Variants in CNTN5 observed in about 807,000 individuals in gnomAD.
CNTN5 encodes contactin 5, also known as contactin-5.
In CNTN5, 77 loss-of-function variants were observed where a neutral mutation model predicts 129.1. The observed-to-expected ratio is 0.60, with a 90% CI of 0.50 to 0.72. The LOEUF is 0.72. CNTN5 is among the 30% of genes least tolerant of loss of function. The pLI is 0.00. For synonymous variants in CNTN5, 509 were observed against 465.6 expected (o/e 1.09, Z -1.20); for missense variants, 1,478 against 1,328.8 (o/e 1.11, Z -1.75).
chr11:99,980,671 T>G (rs1938275748), intron 8 of CNTN5, among the ~76,000 whole-genome samples: 1 of 152,162 alleles, frequency 6.6e-6, no homozygotes, highest in South Asian at 2.1e-4. Context: ...AATATGAATA[T>G]AGTCAATAAT....
At chr11:99,573,637 T>A (rs937661517) in intron 3 of CNTN5, among the ~76,000 whole-genome samples, 1 of 151,890 alleles carries the variant, frequency 6.6e-6, no homozygotes, top group Non-Finnish European at 1.5e-5. Flanking sequence ...CAGGAATGAA[T>A]TTTTTTCTAT....
At chr11:99,883,295 G>C (rs778066264) in intron 6 of CNTN5, among the ~76,000 whole-genome samples, 2 of 152,134 alleles carry the variant, frequency 1.3e-5, no homozygotes, top group African/African-American at 4.8e-5. Flanking sequence ...CCTCCAAACT[G>C]TTCTCCGTAG....
At chr11:99,912,573 A>T (rs1949689300) in intron 6 of CNTN5, among the ~76,000 whole-genome samples, 1 of 151,876 alleles carries the variant, frequency 6.6e-6, no homozygotes, top group Non-Finnish European at 1.5e-5. Flanking sequence ...ATATGGCTCA[A>T]ATCTCATATC....
chr11:100,033,877 C>T (rs72996829), intron 9 of CNTN5, among the ~76,000 whole-genome samples: 6 of 152,278 alleles, frequency 3.9e-5, no homozygotes, highest in African/African-American at 9.6e-5. Flanking sequence ...TTGAAAGTCT[C>T]GGACAAAAGA....
chr11:100,294,591 C>T (rs889543771), intron 18 of CNTN5, among the ~76,000 whole-genome samples: 4 of 151,610 alleles, frequency 2.6e-5, no homozygotes, highest in South Asian at 2.1e-4. Flanking sequence ...CAGTAGTTGA[C>T]TGAGGAAGAA....
intron 2 of CNTN5, among the ~76,000 whole-genome samples, chr11:99,400,582 G>C (rs561636290): frequency 2.6e-4 from 39 of 152,036 alleles, no homozygotes; most frequent in Admixed American, 3.9e-4. Context: ...TTCTGTTATG[G>C]GGGATATAGT....
chr11:99,532,162 A>G (rs905089340), intron 2 of CNTN5, among the ~76,000 whole-genome samples: 6 of 152,116 alleles, frequency 3.9e-5, no homozygotes, highest in Admixed American at 2.6e-4. Flanking sequence ...CCATGGCAAT[A>G]CACCTCTTGC....
chr11:100,183,298 A>T (rs753581003), intron 13 of CNTN5, among the ~76,000 whole-genome samples: 4 of 152,154 alleles, frequency 2.6e-5, no homozygotes, highest in African/African-American at 4.8e-5. Flanking sequence ...TTGTGCACAA[A>T]TGTTCATGGT....
chr11:99,436,665 C>A (rs1175085528), intron 2 of CNTN5, among the ~76,000 whole-genome samples: 3 of 152,078 alleles, frequency 2.0e-5, no homozygotes, highest in Non-Finnish European at 4.4e-5. Context: ...TGACAATATG[C>A]CCCTTTCATA....
intron 1 of CNTN5, among the ~76,000 whole-genome samples, chr11:99,218,857 G>C (rs1267729190): frequency 1.3e-5 from 2 of 152,074 alleles, no homozygotes; most frequent in Non-Finnish European, 2.9e-5. Context: ...AAATGTAGGA[G>C]ATGTGCATTT....
At chr11:99,758,634 G>T (rs770180045) in intron 3 of CNTN5, among the ~76,000 whole-genome samples, 128 of 152,072 alleles carry the variant, frequency 8.4e-4, no homozygotes, top group Non-Finnish European at 1.7e-3. Context: ...ACACAGAAAA[G>T]AATACTTAGA....
intron 1 of CNTN5, among the ~76,000 whole-genome samples, chr11:99,259,527 A>T (rs189115342): frequency 1.1e-4 from 17 of 152,010 alleles, no homozygotes; most frequent in Admixed American, 7.9e-4. Flanking sequence ...TATATGGCAA[A>T]GAAAACTCAC....
chr11:99,504,316 G>A (rs930221798), intron 2 of CNTN5, among the ~76,000 whole-genome samples: 2 of 152,098 alleles, frequency 1.3e-5, no homozygotes, highest in Non-Finnish European at 2.9e-5. Flanking sequence ...GCTGAGGTGG[G>A]CACATCATGA....
At chr11:99,606,898 T>G (rs1421882752) in intron 3 of CNTN5, among the ~76,000 whole-genome samples, 3 of 131,814 alleles carry the variant, frequency 2.3e-5, no homozygotes, top group Non-Finnish European at 3.4e-5. Context: ...TAGCCATATG[T>G]AGAAAGCTGA....
intron 13 of CNTN5, among the ~76,000 whole-genome samples, chr11:100,186,716 C>A (rs73000825): frequency 0.052 from 7,959 of 152,212 alleles, 286 homozygotes; most frequent in Middle Eastern, 0.092. Flanking sequence ...CCCTTCACTC[C>A]CTTTCTTCAA....
At chr11:99,352,849 T>G (rs1938391318) in intron 2 of CNTN5, among the ~76,000 whole-genome samples, 2 of 152,184 alleles carry the variant, frequency 1.3e-5, no homozygotes, top group African/African-American at 4.8e-5. Context: ...TCAACATCAC[T>G]TCTAGTCTTA....
intron 6 of CNTN5, among the ~76,000 whole-genome samples, chr11:99,887,701 G>A (rs1242294686): frequency 6.6e-6 from 1 of 152,248 alleles, no homozygotes; most frequent in Non-Finnish European, 1.5e-5. Flanking sequence ...ACTGGTGTAA[G>A]TACACGAGTC....
At chr11:99,301,636 A>G (rs191071029) in intron 1 of CNTN5, among the ~76,000 whole-genome samples, 1 of 151,962 alleles carries the variant, frequency 6.6e-6, no homozygotes, top group Admixed American at 6.6e-5. Context: ...CAATGAAAAA[A>G]TAGCTGGAGA....
chr11:99,337,839 C>T (rs1332128657), intron 2 of CNTN5, among the ~76,000 whole-genome samples: 1 of 144,004 alleles, frequency 6.9e-6, no homozygotes, highest in Non-Finnish European at 1.5e-5. Context: ...AGTATAATGT[C>T]AGTAGTTATT....
Sources: allele counts gnomAD v4.1 joint callset (sites outside exome capture counted in the v4.1 genomes callset), GRCh38; gene constraint gnomAD v4.1.1; transcripts MANE v1.5; gene names NCBI Gene and HGNC (gene_info 2026-07-23, HGNC 2026-07-21).